The following NELL1 variants were observed in gnomAD, a reference collection of about 807,000 sequenced individuals.
NELL1 encodes neural EGFL like 1.
In NELL1, 76 loss-of-function variants were observed where a neutral mutation model predicts 107.4. That is an observed-to-expected ratio of 0.71 (90% CI 0.59 to 0.86). NELL1 has a LOEUF of 0.86. NELL1 is among the 40% of genes least tolerant of loss of function. NELL1 has a pLI of 0.00. For missense variants in NELL1, 1,024 were observed against 1,005.5 expected, an observed-to-expected ratio of 1.02 and a Z score of -0.25; for synonymous variants, 353 against 341.2, an observed-to-expected ratio of 1.03 and a Z score of -0.38.
intron 4 of NELL1, among the ~76,000 whole-genome samples, chr11:20,860,568 C>A (rs1414762115): frequency 1.3e-5 from 2 of 152,156 alleles, no homozygotes; most frequent in South Asian, 2.1e-4. Flanking sequence ...TGAGGGCCTG[C>A]ATGTGGATGT....
intron 14 of NELL1, among the ~76,000 whole-genome samples, chr11:21,276,232 TC>T (rs1346822880): frequency 1.3e-5 from 2 of 152,140 alleles, no homozygotes; most frequent in Non-Finnish European, 2.9e-5. Context: ...TGTGCAAAAA[TC>T]ACAAGCATTC....
chr11:21,210,104 G>T (rs1229702372), intron 13 of NELL1, among the ~76,000 whole-genome samples: 4 of 152,232 alleles, frequency 2.6e-5, no homozygotes, highest in Non-Finnish European at 4.4e-5. Flanking sequence ...CAATTGCATG[G>T]ATATGCTGCA....
chr11:21,185,347 G>A (rs951995824), intron 13 of NELL1, among the ~76,000 whole-genome samples: 6 of 142,354 alleles, frequency 4.2e-5, no homozygotes, highest in African/African-American at 1.1e-4. Context: ...CCAGGCTGGA[G>A]CATAGTGGTG....
chr11:21,311,092 ACT>A (rs577380721), intron 14 of NELL1, among the ~76,000 whole-genome samples: 18 of 152,142 alleles, frequency 1.2e-4, no homozygotes, highest in African/African-American at 3.9e-4. Context: ...GTGTTTAATG[ACT>A]CTGAAGCAGC....
chr11:21,221,486 T>A (rs1025394953), intron 13 of NELL1, among the ~76,000 whole-genome samples: 1 of 152,222 alleles, frequency 6.6e-6, no homozygotes, highest in Non-Finnish European at 1.5e-5. Context: ...TTTGATAGAA[T>A]TCATCAGTGA....
chr11:21,435,592 T>G (rs975937581), intron 15 of NELL1, among the ~76,000 whole-genome samples: 19 of 150,554 alleles, frequency 1.3e-4, no homozygotes, highest in African/African-American at 4.5e-4. Flanking sequence ...TTCTTCATTC[T>G]GTTGATGTGA....
intron 2 of NELL1, among the ~76,000 whole-genome samples, chr11:20,719,409 T>C (rs1855324625): frequency 8.9e-6 from 1 of 112,378 alleles, no homozygotes; most frequent in South Asian, 3.6e-4. Flanking sequence ...TATTTAAATA[T>C]ACTATTAAAA....
intron 14 of NELL1, among the ~76,000 whole-genome samples, chr11:21,272,155 A>C (rs1290094588): frequency 1.3e-5 from 2 of 152,218 alleles, no homozygotes; most frequent in African/African-American, 4.8e-5. Flanking sequence ...TTTCCTAGTC[A>C]AAGAAAGGGG....
chr11:21,555,501 C>T (rs1369181943), intron 16 of NELL1, among the ~76,000 whole-genome samples: 1 of 151,768 alleles, frequency 6.6e-6, no homozygotes, highest in African/African-American at 2.4e-5. Context: ...TGAGCCAAAA[C>T]AGTGTTATAT....
At chr11:21,129,393 G>A (rs1165044333) in intron 13 of NELL1, among the ~76,000 whole-genome samples, 4 of 152,060 alleles carry the variant, frequency 2.6e-5, no homozygotes, top group African/African-American at 9.7e-5. Context: ...AAATGATCTG[G>A]CGATTCCACT....
rs1855224032 is a variant in NELL1, at chr11:21,115,882, CTG to C, written c.1426+2171_1426+2172del. On this transcript the variant is annotated intron_variant, in intron 13 of 19. Transcript: ENST00000357134. ...GGAATTTCAGAAATCTTGATGAGGA[CTG>C]TGGATTTTCATAGGTCACAAAATAG... Among the ~76,000 whole-genome samples, 4 of 152,138 alleles carry C rather than the reference CTG, an allele frequency of 2.6e-5. No homozygotes were observed. In the South Asian group the frequency reaches 8.3e-4, roughly 32 times the overall value.
At chr11:21,028,425 C>T (rs1358874680) in intron 12 of NELL1, among the ~76,000 whole-genome samples, 1 of 152,098 alleles carries the variant, frequency 6.6e-6, no homozygotes, top group East Asian at 1.9e-4. Flanking sequence ...AAAACAGGGG[C>T]TTTAAATCAG....
At chr11:21,275,756 C>G (rs1848842190) in intron 14 of NELL1, among the ~76,000 whole-genome samples, 1 of 152,146 alleles carries the variant, frequency 6.6e-6, no homozygotes, top group African/African-American at 2.4e-5. Context: ...ATACGCAAAT[C>G]AATAAATGTA....
At chr11:20,856,919 A>C (rs1305858125) in intron 4 of NELL1, among the ~76,000 whole-genome samples, 1 of 152,208 alleles carries the variant, frequency 6.6e-6, no homozygotes, top group Non-Finnish European at 1.5e-5. Flanking sequence ...TTGAGATGCT[A>C]AGTGTAAGGT....
chr11:21,012,317 C>T (rs186411608), intron 12 of NELL1, among the ~76,000 whole-genome samples: 28 of 152,238 alleles, frequency 1.8e-4, no homozygotes, highest in African/African-American at 6.3e-4. Flanking sequence ...GAGTTGTTCT[C>T]CCTGCCAGCC....
intron 12 of NELL1, among the ~76,000 whole-genome samples, chr11:21,094,159 A>G (rs557289728): frequency 2.0e-3 from 307 of 152,340 alleles, no homozygotes; most frequent in African/African-American, 7.0e-3. Flanking sequence ...GGCCAAAGCA[A>G]AGGGGCTACA....
chr11:20,931,183 C>T (rs1002635549), intron 9 of NELL1, among the ~76,000 whole-genome samples: 3 of 151,150 alleles, frequency 2.0e-5, no homozygotes, highest in African/African-American at 7.3e-5. Context: ...TAACATTAGG[C>T]ATGTGTTGGA....
At chr11:20,893,103 T>C (rs929905854) in intron 5 of NELL1, among the ~76,000 whole-genome samples, 2 of 152,110 alleles carry the variant, frequency 1.3e-5, no homozygotes, top group African/African-American at 4.8e-5. Context: ...ATCATGTCCT[T>C]TGCAGAGACA....
intron 15 of NELL1, among the ~76,000 whole-genome samples, chr11:21,483,379 A>G (rs760430699): frequency 3.9e-5 from 6 of 152,144 alleles, no homozygotes; most frequent in Non-Finnish European, 7.4e-5. Context: ...TCTTGTTTGC[A>G]GTACCTGTCA....
Sources: gnomAD v4.1 joint callset for allele counts (sites outside exome capture counted in the v4.1 genomes callset) on GRCh38, gnomAD v4.1.1 for gene constraint, MANE v1.5 for transcripts, NCBI Gene and HGNC (gene_info 2026-07-23, HGNC 2026-07-21) for gene names.